The following PLEKHM3 variants were observed in gnomAD, a reference collection of about 807,000 sequenced individuals.
The protein encoded by PLEKHM3 is pleckstrin homology domain-containing family M member 3.
Under a neutral mutation model 81.8 loss-of-function variants are expected in PLEKHM3, and 45 were observed. That is an observed-to-expected ratio of 0.55 (90% CI 0.43 to 0.71). The LOEUF is 0.71. Ranked by LOEUF, PLEKHM3 falls within the 30% of genes least tolerant of loss-of-function variation. The probability of loss-of-function intolerance (pLI) is 0.00; values close to 1 mark genes in which losing one functional copy is unlikely to be tolerated. For synonymous variants in PLEKHM3, 352 were observed against 356.4 expected (o/e 0.99, Z 0.14); for missense variants, 788 against 924.3 (o/e 0.85, Z 1.91).
Position 207,849,041 on chromosome 2 carries a change from G to A in PLEKHM3, c.2108+12064C>T, listed in dbSNP as rs546838615. Among the ~76,000 whole-genome samples, 105 of 152,286 alleles carry A rather than the reference G, an allele frequency of 6.9e-4. 1 individual carries two copies. The highest frequency in any genetic ancestry group is 1.1e-3 in the Non-Finnish European group (76 of 68,020). Reference sequence around the variant, plus strand: ...CTGATGTAGAAAATATTCTTTAAATGTGTGCAGACTGGCTGGGCGTGGTGG... The same window carrying A: ...CTGATGTAGAAAATATTCTTTAAATATGTGCAGACTGGCTGGGCGTGGTGG... On this transcript the variant is annotated intron_variant, in intron 7 of 7. Coordinates refer to ENST00000427836, the MANE Select transcript of PLEKHM3 (RefSeq NM_001080475.3).
chr2:207,875,018 CATTTATGTGGGGTAA>C (rs1485872150), intron 6 of PLEKHM3, among the ~76,000 whole-genome samples: 1 of 151,672 alleles, frequency 6.6e-6, no homozygotes, highest in African/African-American at 2.4e-5. Context: ...GAATTTACCC[CATTTATGTGGGGTAA>C]ATATTTTGTA....
intron 2 of PLEKHM3, among the ~76,000 whole-genome samples, chr2:207,993,841 A>T (rs181684540): frequency 2.0e-5 from 3 of 152,306 alleles, no homozygotes; most frequent in African/African-American, 4.8e-5. Flanking sequence ...TTCTTTAAAA[A>T]TTTTTTATTT....
intron 3 of PLEKHM3, among the ~76,000 whole-genome samples, chr2:207,958,748 A>G (rs1176834739): frequency 6.6e-6 from 1 of 151,972 alleles, no homozygotes; most frequent in African/African-American, 2.4e-5. Context: ...CGTCTCTACT[A>G]AAAATACAAA....
At chr2:207,936,092 C>T (rs1233472109) in intron 4 of PLEKHM3, among the ~76,000 whole-genome samples, 1 of 152,216 alleles carries the variant, frequency 6.6e-6, no homozygotes, top group African/African-American at 2.4e-5. Flanking sequence ...AAGGGATCCT[C>T]CCACCTCAGC....
At position 207,977,184 on chromosome 2, in the gene PLEKHM3, C is replaced by G; in HGVS notation, c.1013G>C (p.Ser338Thr). 6.2e-7 allele frequency: 1 copy of G among 1,614,212 alleles called. No homozygotes were observed. The highest frequency in any genetic ancestry group is 8.5e-7 in the Non-Finnish European group (1 of 1,180,036). ...CAGCCCACTGGTTTTCTTCTGGAAACTATGATTCTGTGTATAGTCATCATG... is the reference window on the plus strand; with the variant it reads ...CAGCCCACTGGTTTTCTTCTGGAAAGTATGATTCTGTGTATAGTCATCATG... The part of the protein sequence containing the change: ...GHHDDYTQNH[S>T]FQKKTSGLLP... The change falls in exon 3 of 8, where the codon AGT (serine) becomes ACT (threonine). Residue 338 changes from serine to threonine, a missense_variant. Ser to Thr is a moderately conservative substitution (Grantham distance 58, BLOSUM62 1). Coordinates refer to ENST00000427836, the MANE Select transcript of PLEKHM3 (RefSeq NM_001080475.3).
chr2:207,881,655 C>G (rs925779245), intron 6 of PLEKHM3, among the ~76,000 whole-genome samples: 1 of 152,198 alleles, frequency 6.6e-6, no homozygotes. Flanking sequence ...GAATTGGGGC[C>G]AAGAAGGCCC....
intron 3 of PLEKHM3, among the ~76,000 whole-genome samples, chr2:207,963,682 G>A (rs1386440305): frequency 6.6e-6 from 1 of 152,116 alleles, no homozygotes; most frequent in African/African-American, 2.4e-5. Flanking sequence ...AAAGGAAGCT[G>A]GAATGTAGGT....
chr2:208,015,026 A>G (rs1484273778), intron 1 of PLEKHM3, among the ~76,000 whole-genome samples: 1 of 152,242 alleles, frequency 6.6e-6, no homozygotes, highest in Non-Finnish European at 1.5e-5. Context: ...TATAAGTTCT[A>G]ATCTAAGACC....
intron 3 of PLEKHM3, among the ~76,000 whole-genome samples, chr2:207,957,881 G>C (rs982495344): frequency 3.3e-5 from 5 of 152,200 alleles, no homozygotes. Context: ...CCCAACAGGG[G>C]ATATTTGTAA....
At chr2:207,988,984 G>A (rs1334878557) in intron 2 of PLEKHM3, among the ~76,000 whole-genome samples, 1 of 152,148 alleles carries the variant, frequency 6.6e-6, no homozygotes, top group Non-Finnish European at 1.5e-5. Context: ...CACCTCAAAA[G>A]TGCTGTCCTC....
At chr2:207,884,917 T>A (rs781605563) in intron 6 of PLEKHM3, among the ~76,000 whole-genome samples, 3 of 152,152 alleles carry the variant, frequency 2.0e-5, no homozygotes, top group Admixed American at 6.5e-5. Context: ...AAAGACTCCA[T>A]ATGAACACGG....
At chr2:207,895,705 G>A (rs759512425) in intron 6 of PLEKHM3, among the ~76,000 whole-genome samples, 1 of 152,160 alleles carries the variant, frequency 6.6e-6, no homozygotes, top group Non-Finnish European at 1.5e-5. Context: ...GACTGGTGCT[G>A]CCCGTTTTAG....
chr2:208,020,247 ATCTC>A (rs957313815), intron 1 of PLEKHM3, among the ~76,000 whole-genome samples: 15 of 152,382 alleles, frequency 9.8e-5, no homozygotes, highest in Admixed American at 2.6e-4. Flanking sequence ...GGATAAGTAA[ATCTC>A]TACCATGGTC....
At chr2:207,960,915 G>A (rs548326849) in intron 3 of PLEKHM3, among the ~76,000 whole-genome samples, 71 of 152,112 alleles carry the variant, frequency 4.7e-4, no homozygotes, top group Non-Finnish European at 8.2e-4. Flanking sequence ...GTTTCTGGGG[G>A]AAAAAATTGC....
In PLEKHM3 at chr2:207,877,909, G is replaced by A. The variant is rs543681200; in HGVS notation, c.1951-16647C>T. On this transcript the variant is annotated intron_variant, in intron 6 of 7. Coordinates refer to ENST00000427836, the MANE Select transcript of PLEKHM3 (RefSeq NM_001080475.3). ...ACCATTCCCATAGCACTGACTGACT[G>A]TTTGATATGTGCCGTCACTGCTCTA... 4.3e-3 allele frequency among the ~76,000 whole-genome samples: 647 copies of A among 152,192 alleles called. 2 individuals carry two copies. Among genetic ancestry groups the A allele is most frequent in the Non-Finnish European group, 5.9e-3 (398 of 68,016 alleles).
intron 5 of PLEKHM3, among the ~76,000 whole-genome samples, chr2:207,926,995 G>C (rs572269187): frequency 3.3e-5 from 5 of 152,224 alleles, no homozygotes; most frequent in African/African-American, 1.2e-4. Flanking sequence ...ACAGGTCTTC[G>C]GCATGTTGCG....
intron 4 of PLEKHM3, among the ~76,000 whole-genome samples, chr2:207,933,379 A>G (rs1003501643): frequency 4.6e-5 from 7 of 152,218 alleles, no homozygotes; most frequent in African/African-American, 1.7e-4. Flanking sequence ...ATTTATCATG[A>G]TTAAATATTT....
chr2:207,875,599 G>T (rs2105839259), intron 6 of PLEKHM3, among the ~76,000 whole-genome samples: 1 of 152,320 alleles, frequency 6.6e-6, no homozygotes, highest in South Asian at 2.1e-4. Context: ...AGGGAAATGT[G>T]GAGGGTGTTC....
intron 3 of PLEKHM3, among the ~76,000 whole-genome samples, chr2:207,961,635 G>T (rs1029994234): frequency 6.6e-6 from 1 of 152,134 alleles, no homozygotes; most frequent in Non-Finnish European, 1.5e-5. Flanking sequence ...AGGATATCTG[G>T]GTTAGATAGT....
Sources: allele counts gnomAD v4.1 joint callset (sites outside exome capture counted in the v4.1 genomes callset), GRCh38; gene constraint gnomAD v4.1.1; transcripts MANE v1.5; gene names NCBI Gene and HGNC (gene_info 2026-07-23, HGNC 2026-07-21).